TRPM3: variants seen among roughly 807,000 people sequenced by gnomAD.
TRPM3 encodes the protein transient receptor potential cation channel subfamily M member 3.
In TRPM3, 77 loss-of-function variants were observed where a neutral mutation model predicts 181.2. The observed-to-expected ratio is 0.42, with a 90% CI of 0.35 to 0.51. TRPM3 has a LOEUF of 0.51. TRPM3 is among the 20% of genes least tolerant of loss of function. The probability of loss-of-function intolerance (pLI) is 0.01; values close to 1 mark genes in which losing one functional copy is unlikely to be tolerated. For missense variants in TRPM3, 1,759 were observed against 2,196.7 expected (o/e 0.80, Z 3.98); for synonymous variants, 745 against 796.4 (o/e 0.94, Z 1.09).
intron 22 of TRPM3, among the ~76,000 whole-genome samples, chr9:70,554,466 G>A (rs758812508): frequency 6.6e-6 from 1 of 152,136 alleles, no homozygotes; most frequent in African/African-American, 2.4e-5. Flanking sequence ...GGCAAGAGGC[G>A]TCCATTCCTT....
At chr9:71,305,807 G>A (rs1037076134) in intron 1 of TRPM3, among the ~76,000 whole-genome samples, 1 of 151,908 alleles carries the variant, frequency 6.6e-6, no homozygotes, top group Non-Finnish European at 1.5e-5. Flanking sequence ...TTTAGATCAC[G>A]GTGCCTGTTC....
chr9:70,894,615 A>T (rs556773880), intron 1 of TRPM3, among the ~76,000 whole-genome samples: 1 of 152,188 alleles, frequency 6.6e-6, no homozygotes, highest in Non-Finnish European at 1.5e-5. Context: ...AGGATAAAAT[A>T]CAAGATTAGT....
At chr9:71,224,748 T>A in intron 1 of TRPM3, among the ~76,000 whole-genome samples, 1 of 148,320 alleles carries the variant, frequency 6.7e-6, no homozygotes, top group Non-Finnish European at 1.5e-5. Context: ...AGTTGAAAAA[T>A]GCAACTGGAG....
In TRPM3 at chr9:71,226,091, C is replaced by A. The variant is rs557827813; in HGVS notation, c.183+220562G>T. On this transcript the variant is annotated intron_variant, in intron 1 of 24. Transcript: ENST00000357533. ...TTTTAGTTTTTTTTTGTGGTTTATG[C>A]AATCACTTAAATCATCATCAGTTTA... 4.5e-5 allele frequency among the ~76,000 whole-genome samples: 6 copies of A among 133,506 alleles called. 1 individual carries two copies. Among genetic ancestry groups the A allele is most frequent in the Admixed American group, 2.4e-4 (3 of 12,502 alleles). The allele number at this position is 133,506 out of a possible 152,430, so 87.6% of individuals were successfully genotyped here.
At chr9:70,564,836 C>T (rs543098928) in intron 22 of TRPM3, among the ~76,000 whole-genome samples, 1 of 152,140 alleles carries the variant, frequency 6.6e-6, no homozygotes, top group Non-Finnish European at 1.5e-5. Context: ...TTCAGGAATG[C>T]GTATATAAGC....
At chr9:70,653,070 A>C (rs1245773729) in intron 9 of TRPM3, among the ~76,000 whole-genome samples, 1 of 152,160 alleles carries the variant, frequency 6.6e-6, no homozygotes, top group African/African-American at 2.4e-5. Context: ...GAAACCGTGA[A>C]AGTGTAAAAG....
intron 1 of TRPM3, among the ~76,000 whole-genome samples, chr9:71,187,887 GATGATAGATAGA>G (rs1172778958): frequency 5.5e-5 from 8 of 145,404 alleles, no homozygotes; most frequent in African/African-American, 2.1e-4. Flanking sequence ...CAGGCAGACA[GATGATAGATAGA>G]TAGATAGATA....
At chr9:71,382,796 T>C (rs1248472720) in intron 1 of TRPM3, among the ~76,000 whole-genome samples, 1 of 151,770 alleles carries the variant, frequency 6.6e-6, no homozygotes, top group African/African-American at 2.4e-5. Context: ...GCCAGAACAA[T>C]GTCTTACATT....
At chr9:70,594,775 A>G (rs1232050962) in intron 21 of TRPM3, among the ~76,000 whole-genome samples, 2 of 152,228 alleles carry the variant, frequency 1.3e-5, no homozygotes, top group Admixed American at 1.3e-4. Context: ...ACCACAGGGC[A>G]GGGACTCACT....
intron 8 of TRPM3, among the ~76,000 whole-genome samples, chr9:70,754,931 C>T (rs1388912294): frequency 1.3e-5 from 2 of 152,116 alleles, no homozygotes; most frequent in Admixed American, 6.5e-5. Context: ...CCTCTCTTAG[C>T]CTCAGTTCCT....
chr9:71,000,565 T>G (rs1460204817), intron 1 of TRPM3, among the ~76,000 whole-genome samples: 1 of 152,212 alleles, frequency 6.6e-6, no homozygotes. Context: ...TATTTGACTT[T>G]TCTCTGGAAG....
chr9:71,024,085 T>C (rs1370506967), intron 1 of TRPM3, among the ~76,000 whole-genome samples: 1 of 152,192 alleles, frequency 6.6e-6, no homozygotes, highest in Non-Finnish European at 1.5e-5. Flanking sequence ...ATGCAAAATG[T>C]ATCATTGGGA....
At chr9:70,561,154 AT>A (rs1237776079) in intron 22 of TRPM3, among the ~76,000 whole-genome samples, 2 of 152,108 alleles carry the variant, frequency 1.3e-5, no homozygotes, top group South Asian at 4.1e-4. Context: ...CATTTATCCT[AT>A]TTTTTTTATA....
At chr9:70,990,072 G>T (rs1564914787) in intron 1 of TRPM3, among the ~76,000 whole-genome samples, 1 of 152,102 alleles carries the variant, frequency 6.6e-6, no homozygotes, top group Non-Finnish European at 1.5e-5. Flanking sequence ...TAAATAACTT[G>T]CCCCAAATCA....
rs147484559 is a variant in TRPM3 at position 71,240,501 on chromosome 9, A to T, written c.183+206152T>A. On this transcript the variant is annotated intron_variant, in intron 1 of 24. Coordinates refer to the TRPM3 transcript ENST00000357533. Reference sequence around the variant, plus strand: ...GCAACAGGATACATTATTATTACCAAATAGCTTTGCTCATTAGTTTGATAT... The same window carrying T: ...GCAACAGGATACATTATTATTACCATATAGCTTTGCTCATTAGTTTGATAT... Among the ~76,000 whole-genome samples the T allele has an allele frequency of 8.3e-4, 127 of 152,298 alleles. 1 individual carries two copies. The highest frequency in any genetic ancestry group is 3.1e-3 in the African/African-American group (127 of 41,580).
At chr9:71,194,275 A>T (rs2135026632) in intron 1 of TRPM3, among the ~76,000 whole-genome samples, 1 of 152,030 alleles carries the variant, frequency 6.6e-6, no homozygotes, top group South Asian at 2.1e-4. Flanking sequence ...GGAAGAGTTA[A>T]ATAGGTATAT....
In TRPM3 at chr9:71,306,341, G is replaced by C. The variant is rs1428151771; in HGVS notation, c.183+140312C>G. Among the ~76,000 whole-genome samples the C allele has an allele frequency of 3.3e-5, 5 of 152,220 alleles. No individual in the cohort carries two copies. In the South Asian group the frequency reaches 1.0e-3, roughly 32 times the overall value. ...TCATACAAAGTTTCCATTTGTGACT[G>C]GGAACCCCCTGCAGAGAAATGTGGC... On this transcript the variant is annotated intron_variant, in intron 1 of 24. Coordinates refer to the TRPM3 transcript ENST00000357533.
chr9:70,853,514 G>A (rs190770294), intron 3 of TRPM3, among the ~76,000 whole-genome samples: 16 of 152,274 alleles, frequency 1.1e-4, no homozygotes, highest in South Asian at 4.1e-4. Flanking sequence ...AAGAAAGAGC[G>A]CTCAGTATTT....
chr9:71,368,486 C>T (rs1033924001), intron 1 of TRPM3, among the ~76,000 whole-genome samples: 4 of 152,102 alleles, frequency 2.6e-5, no homozygotes, highest in African/African-American at 9.7e-5. Flanking sequence ...CAGTGCCTCA[C>T]CCAGTAGTTG....
Sources: allele counts gnomAD v4.1 joint callset (sites outside exome capture counted in the v4.1 genomes callset), GRCh38; gene constraint gnomAD v4.1.1; transcripts MANE v1.5; gene names NCBI Gene and HGNC (gene_info 2026-07-23, HGNC 2026-07-21).